Variants in VSNL1 observed in about 807,000 individuals in gnomAD.
VSNL1 encodes visinin like 1, also known as visinin-like protein 1.
In VSNL1, 6 loss-of-function variants were observed where a neutral mutation model predicts 20.4. That is an observed-to-expected ratio of 0.29 (90% CI 0.16 to 0.58). The LOEUF is 0.58. VSNL1 is among the 20% of genes least tolerant of loss of function. The pLI is 0.90. For missense variants in VSNL1, 100 were observed against 234.5 expected, an observed-to-expected ratio of 0.43 and a Z score of 3.75; for synonymous variants, 93 against 86.4, an observed-to-expected ratio of 1.08 and a Z score of -0.42.
intron 1 of VSNL1, among the ~76,000 whole-genome samples, chr2:17,542,031 A>T (rs973080155): frequency 1.3e-5 from 2 of 152,224 alleles, no homozygotes; most frequent in African/African-American, 4.8e-5. Flanking sequence ...CACTAAGTAC[A>T]TACTATTTGT....
chr2:17,580,367 T>C (rs1664323294), intron 1 of VSNL1, among the ~76,000 whole-genome samples: 1 of 152,194 alleles, frequency 6.6e-6, no homozygotes, highest in South Asian at 2.1e-4. Context: ...ATGATTTCTC[T>C]GAAGGTAAAA....
At chr2:17,563,420 G>A (rs1021288742) in intron 1 of VSNL1, among the ~76,000 whole-genome samples, 2 of 152,192 alleles carry the variant, frequency 1.3e-5, no homozygotes, top group African/African-American at 4.8e-5. Context: ...ACTGTATGGA[G>A]AGAATACAGA....
chr2:17,590,435 T>C (rs1187339197), intron 1 of VSNL1, among the ~76,000 whole-genome samples: 1 of 152,206 alleles, frequency 6.6e-6, no homozygotes, highest in African/African-American at 2.4e-5. Flanking sequence ...CAGTTGCTTA[T>C]AAGAGATTTG....
At chr2:17,569,323 T>A (rs28419641) in intron 1 of VSNL1, among the ~76,000 whole-genome samples, 5 of 150,760 alleles carry the variant, frequency 3.3e-5, no homozygotes, top group Middle Eastern at 3.4e-3. Context: ...AAAATAAAAA[T>A]AAAAATAAAT....
intron 1 of VSNL1, among the ~76,000 whole-genome samples, chr2:17,587,348 AACACACACACACACAC>A (rs67537461): frequency 2.8e-4 from 38 of 134,660 alleles, no homozygotes; most frequent in East Asian, 1.9e-3. Flanking sequence ...GGCTGAGGGC[AACACACACACACACAC>A]ACACACACAC....
At chr2:17,592,577 A>AG (rs1365462429) in intron 2 of VSNL1, among the ~76,000 whole-genome samples, 1 of 146,724 alleles carries the variant, frequency 6.8e-6, no homozygotes, top group Admixed American at 6.8e-5. Flanking sequence ...GGCCTGTTAA[A>AG]GGTATATGTA....
chr2:17,545,335 A>AT (rs1558277121), intron 1 of VSNL1, among the ~76,000 whole-genome samples: 1 of 152,138 alleles, frequency 6.6e-6, no homozygotes, highest in South Asian at 2.1e-4. Context: ...TTTATGATTT[A>AT]TTTTTTGTAA....
intron 1 of VSNL1, among the ~76,000 whole-genome samples, chr2:17,548,435 G>T (rs148933198): frequency 1.3e-5 from 2 of 151,976 alleles, no homozygotes; most frequent in African/African-American, 4.8e-5. Flanking sequence ...TTGTATAATA[G>T]GACAACTCCT....
At chr2:17,561,056 CATTA>C (rs1210194820) in intron 1 of VSNL1, among the ~76,000 whole-genome samples, 1 of 152,132 alleles carries the variant, frequency 6.6e-6, no homozygotes, top group Non-Finnish European at 1.5e-5. Context: ...ACAGTTCAAA[CATTA>C]ATTGAGTGCC....
At chr2:17,632,397 T>A (rs2103413282) in intron 2 of VSNL1, among the ~76,000 whole-genome samples, 1 of 152,036 alleles carries the variant, frequency 6.6e-6, no homozygotes, top group South Asian at 2.1e-4. Context: ...GCCTCCCGGG[T>A]TCAAGTGATT....
At chr2:17,645,442 AGC>A (rs1665971436) in intron 2 of VSNL1, among the ~76,000 whole-genome samples, 1 of 152,234 alleles carries the variant, frequency 6.6e-6, no homozygotes, top group African/African-American at 2.4e-5. Context: ...TGGAAGGATA[AGC>A]TATCCAGGCA....
In VSNL1 at chr2:17,555,936, T is replaced by A. The variant is rs376089293; in HGVS notation, c.-6+15018T>A. 5.3e-5 allele frequency among the ~76,000 whole-genome samples: 8 copies of A among 152,290 alleles called. No individual in the cohort carries two copies. In the East Asian group the frequency reaches 9.7e-4, roughly 18 times the overall value. On this transcript the variant is annotated intron_variant, in intron 1 of 3. Coordinates refer to ENST00000295156, the MANE Select transcript of VSNL1 (RefSeq NM_003385.5). ...GACATAAAGATCCTTAAGACAAATA[T>A]CTTTTTTCAAGAAGCTAATGGTCTA...
intron 1 of VSNL1, among the ~76,000 whole-genome samples, chr2:17,561,433 A>G (rs189471525): frequency 6.6e-6 from 1 of 152,318 alleles, no homozygotes; most frequent in East Asian, 1.9e-4. Flanking sequence ...GGTGAATGGC[A>G]CTAGATACTA....
Position 17,637,123 on chromosome 2 carries a change from C to CCTTCCCCT in VSNL1, c.163-12286_163-12279dup, listed in dbSNP as rs900506008. Reference sequence around the variant, plus strand: ...CCCCTCTTGCCCAGCTCTTCCCCTCCCTTCCCCTTCCCACAGGGAAGGCTG... The same window carrying CCTTCCCCT: ...CCCCTCTTGCCCAGCTCTTCCCCTCCCTTCCCCTCTTCCCCTTCCCACAGGGAAGGCTG... On this transcript the variant is annotated intron_variant, in intron 2 of 3. Transcript: ENST00000295156. 4.6e-5 allele frequency among the ~76,000 whole-genome samples: 7 copies of CCTTCCCCT among 152,164 alleles called. No homozygotes were observed. The South Asian group carries it at 6.2e-4, about 14-fold the overall frequency.
At chr2:17,609,209 T>C (rs1010439796) in intron 2 of VSNL1, among the ~76,000 whole-genome samples, 1 of 152,178 alleles carries the variant, frequency 6.6e-6, no homozygotes, top group South Asian at 2.1e-4. Context: ...TTGCTGTGAT[T>C]CATGACCTTA....
intron 2 of VSNL1, among the ~76,000 whole-genome samples, chr2:17,622,577 AAAGAAAGAAAGAAAG>A (rs1665402268): frequency 7.8e-6 from 1 of 128,834 alleles, no homozygotes; most frequent in African/African-American, 2.7e-5. Context: ...AGAAAGAAAG[AAAGAAAGAAAGAAAG>A]AAAGAAAGAA....
intron 1 of VSNL1, among the ~76,000 whole-genome samples, chr2:17,559,922 A>G (rs895906775): frequency 2.0e-5 from 3 of 152,022 alleles, no homozygotes; most frequent in African/African-American, 7.2e-5. Context: ...GATTATATAT[A>G]TTGAAAATCC....
intron 2 of VSNL1, among the ~76,000 whole-genome samples, chr2:17,610,369 G>T (rs1418688376): frequency 1.3e-5 from 2 of 152,116 alleles, no homozygotes; most frequent in Non-Finnish European, 2.9e-5. Flanking sequence ...GACAAATGTG[G>T]CCCAAGAGGC....
At chr2:17,611,059 A>T (rs1665072647) in intron 2 of VSNL1, among the ~76,000 whole-genome samples, 1 of 152,214 alleles carries the variant, frequency 6.6e-6, no homozygotes, top group Non-Finnish European at 1.5e-5. Context: ...AGGAGATAGG[A>T]TCCCTTGGAA....
Sources: gnomAD v4.1 joint callset for allele counts (sites outside exome capture counted in the v4.1 genomes callset) on GRCh38, gnomAD v4.1.1 for gene constraint, MANE v1.5 for transcripts, NCBI Gene and HGNC (gene_info 2026-07-23, HGNC 2026-07-21) for gene names.